AHCYL2: variants seen among roughly 807,000 people sequenced by gnomAD.
The protein encoded by AHCYL2 is S-adenosylhomocysteine hydrolase-like protein 2.
A neutral mutation model predicts 81.4 loss-of-function variants in AHCYL2; 28 were observed. The observed-to-expected ratio is 0.34, with a 90% CI of 0.25 to 0.47. The LOEUF (loss-of-function observed/expected upper bound fraction) is 0.47. Among genes scored for constraint, AHCYL2 ranks in the 20% least tolerant of loss-of-function variants. The pLI is 1.00. For synonymous variants in AHCYL2, 272 were observed against 290.2 expected (o/e 0.94, Z 0.64); for missense variants, 551 against 785.1 (o/e 0.70, Z 3.56).
chr7:129,380,297 G>A (rs1337956511), intron 2 of AHCYL2, among the ~76,000 whole-genome samples: 2 of 152,164 alleles, frequency 1.3e-5, no homozygotes, highest in Admixed American at 6.5e-5. Context: ...CCCTGGGACT[G>A]AGTTATCATT....
intron 1 of AHCYL2, among the ~76,000 whole-genome samples, chr7:129,290,500 C>CAA (rs76196258): frequency 2.1e-4 from 13 of 61,468 alleles, no homozygotes; most frequent in Admixed American, 8.3e-4. Context: ...GACTCTGTCT[C>CAA]AAAAAAAAAA....
Position 129,225,287 on chromosome 7 carries a change from G to C in AHCYL2, c.211G>C (p.Ala71Pro). The change falls in exon 1 of 17, where the codon GCC (alanine) becomes CCC (proline). Residue 71 changes from alanine (A) to proline (P), a missense_variant. Ala to Pro is a conservative substitution (Grantham distance 27). Coordinates refer to ENST00000325006, the MANE Select transcript of AHCYL2 (RefSeq NM_015328.4). ...CCCCGGCCCGGGCTCGGGGCCCGCC[G>C]CCGCTCTCAGCCCCGCCGCCGGGAA... ...PVPGPGSGPA[A>P]ALSPAAGKVP... 6.8e-7 allele frequency: 1 copy of C among 1,462,680 alleles called. No homozygotes were observed. The highest frequency in any genetic ancestry group is 2.5e-5 in the Admixed American group (1 of 39,480). The allele number at this position is 1,462,680 out of a possible 1,614,324, so 90.6% of individuals were successfully genotyped here.
intron 5 of AHCYL2, 43 bp downstream of exon 5, chr7:129,397,367 T>C (rs946897358): frequency 1.3e-6 from 2 of 1,536,182 alleles, no homozygotes; most frequent in Non-Finnish European, 1.8e-6. Context: ...GTAAGTCTAT[T>C]TGGAGACTTA....
intron 2 of AHCYL2, among the ~76,000 whole-genome samples, chr7:129,384,191 CTTTA>C (rs1396022780): frequency 6.6e-6 from 1 of 150,474 alleles, no homozygotes; most frequent in Non-Finnish European, 1.5e-5. Flanking sequence ...AATTTTCCTC[CTTTA>C]TTTTTCTTCA....
chr7:129,389,728 G>T lies in AHCYL2; in HGVS notation c.714G>T (p.Gln238His). ...TGGGTTGCACACACATCACTGCTCA[G>T]ACTGCTGTGAGTTCTTTTCTTTTCT... The part of the protein sequence containing the change: ...KIVGCTHITA[Q>H]TAVLMETLGA... Residue 238 changes from glutamine to histidine, a missense_variant, in exon 4 of 17, where the codon CAG (glutamine) becomes CAT (histidine). By Grantham distance (24) the Gln-to-His change is conservative. Transcript: ENST00000325006. 6.2e-7 allele frequency: 1 copy of T among 1,606,048 alleles called. No individual in the cohort carries two copies. The highest frequency in any genetic ancestry group is 1.1e-5 in the South Asian group (1 of 88,974).
At chr7:129,292,052 G>A (rs866732557) in intron 1 of AHCYL2, among the ~76,000 whole-genome samples, 28 of 152,170 alleles carry the variant, frequency 1.8e-4, no homozygotes, top group Middle Eastern at 3.4e-3. Context: ...GAAGAATTAA[G>A]TTCCTATTAT....
At chr7:129,366,293 C>T (rs549203493) in intron 1 of AHCYL2, among the ~76,000 whole-genome samples, 1 of 152,332 alleles carries the variant, frequency 6.6e-6, no homozygotes, top group Admixed American at 6.5e-5. Context: ...CTGCCTTTCT[C>T]TCCAGTCAAA....
intron 1 of AHCYL2, among the ~76,000 whole-genome samples, chr7:129,321,582 A>G (rs1390875537): frequency 6.6e-6 from 1 of 152,182 alleles, no homozygotes; most frequent in Non-Finnish European, 1.5e-5. Context: ...AAGAACTTTT[A>G]CATCTGTGTT....
chr7:129,387,457 A>G (rs956326445), intron 2 of AHCYL2, among the ~76,000 whole-genome samples: 2 of 152,252 alleles, frequency 1.3e-5, no homozygotes, highest in Non-Finnish European at 2.9e-5. Context: ...CATGACCGCT[A>G]TATTTAAATG....
At chr7:129,349,695 A>G (rs919416575) in intron 1 of AHCYL2, among the ~76,000 whole-genome samples, 3 of 150,026 alleles carry the variant, frequency 2.0e-5, no homozygotes, top group African/African-American at 7.3e-5. Context: ...CTGATTCCAT[A>G]TAGAACAGCC....
chr7:129,266,557 G>A (rs866008503), intron 1 of AHCYL2, among the ~76,000 whole-genome samples: 19 of 152,184 alleles, frequency 1.2e-4, no homozygotes, highest in South Asian at 8.3e-4. Flanking sequence ...TTACACCTTG[G>A]GAGAACCCTG....
intron 1 of AHCYL2, among the ~76,000 whole-genome samples, chr7:129,364,172 A>C (rs1167955719): frequency 6.6e-6 from 1 of 152,158 alleles, no homozygotes; most frequent in Non-Finnish European, 1.5e-5. Context: ...CTGGGAGTTC[A>C]AGCAATGATC....
rs571110760 is a variant in AHCYL2 at position 129,356,774 on chromosome 7, A to G, written c.364-22864A>G. 8.5e-5 allele frequency among the ~76,000 whole-genome samples: 13 copies of G among 152,334 alleles called. No individual in the cohort carries two copies. The South Asian group carries it at 2.5e-3, about 29-fold the overall frequency. On this transcript the variant is annotated intron_variant, in intron 1 of 16. Coordinates refer to ENST00000325006, the MANE Select transcript of AHCYL2 (RefSeq NM_015328.4). ...ATTAAGAAGGGAGGGTCTCTGATTT[A>G]CTTAAGGCCTTGAAGATACTCCAAA...
intron 1 of AHCYL2, among the ~76,000 whole-genome samples, chr7:129,307,021 A>G (rs1420506469): frequency 1.3e-5 from 2 of 152,176 alleles, no homozygotes; most frequent in African/African-American, 4.8e-5. Flanking sequence ...CCCTGTGGCC[A>G]CCAACACTGG....
At position 129,428,394 on chromosome 7, in the gene AHCYL2, T is replaced by C. The variant is rs1274418611; in HGVS notation, c.*1349T>C. 6.6e-6 allele frequency: 1 copy of C among 152,184 alleles called. No homozygotes were observed. 9.4% of individuals were successfully genotyped at this position (152,184 alleles called of 1,614,324 possible). ...TGACATTTTATGTCCCACCCAAAAA[T>C]TGGATTCCTTTTGGAGACTGATCTG... is the stretch of plus-strand genomic sequence containing the variant. On this transcript the variant is annotated 3_prime_UTR_variant, in exon 17 of 17. Transcript: ENST00000325006.
At chr7:129,265,389 A>G (rs2150720918) in intron 1 of AHCYL2, among the ~76,000 whole-genome samples, 2 of 152,306 alleles carry the variant, frequency 1.3e-5, no homozygotes, top group East Asian at 3.9e-4. Context: ...AATCTGAGAG[A>G]GGAATTTGAT....
At chr7:129,280,151 T>G (rs1796378478) in intron 1 of AHCYL2, among the ~76,000 whole-genome samples, 1 of 151,776 alleles carries the variant, frequency 6.6e-6, no homozygotes, top group Non-Finnish European at 1.5e-5. Flanking sequence ...TATAAATTGA[T>G]CTTATAGTCT....
chr7:129,250,025 G>T (rs1335400317), intron 1 of AHCYL2, among the ~76,000 whole-genome samples: 1 of 152,174 alleles, frequency 6.6e-6, no homozygotes. Flanking sequence ...GGGGTACAAG[G>T]CTGGACGCAG....
In AHCYL2 at chr7:129,428,679, T is replaced by G. The variant is rs1436845148; in HGVS notation, c.*1634T>G. ...TTCTTCTACCTCTACCCTCTCCAAC[T>G]TCTCCTGGTCTTCACATATACTCTC... On this transcript the variant is annotated 3_prime_UTR_variant, in exon 17 of 17. Coordinates refer to ENST00000325006, the MANE Select transcript of AHCYL2 (RefSeq NM_015328.4). 3 of 152,218 alleles carry G rather than the reference T, an allele frequency of 2.0e-5. No homozygotes were observed. The highest frequency in any genetic ancestry group is 4.4e-5 in the Non-Finnish European group (3 of 68,044). 9.4% of individuals were successfully genotyped at this position (152,218 alleles called of 1,614,324 possible).
Sources: allele counts gnomAD v4.1 joint callset (sites outside exome capture counted in the v4.1 genomes callset), GRCh38; gene constraint gnomAD v4.1.1; transcripts MANE v1.5; gene names NCBI Gene and HGNC (gene_info 2026-07-23, HGNC 2026-07-21).